The following AP3B1 variants were observed in gnomAD, a reference collection of about 807,000 sequenced individuals.
AP3B1 encodes adaptor related protein complex 3 subunit beta 1.
A neutral mutation model predicts 132.5 loss-of-function variants in AP3B1; 61 were observed. The ratio of observed to expected loss-of-function variants is 0.46; its 90% CI spans 0.37 to 0.57. The LOEUF is 0.57. Among genes scored for constraint, AP3B1 ranks in the 20% least tolerant of loss-of-function variants. The pLI is 0.00. For missense variants in AP3B1, 1,120 were observed against 1,289.4 expected, an observed-to-expected ratio of 0.87 and a Z score of 2.01; for synonymous variants, 388 against 438.3, an observed-to-expected ratio of 0.89 and a Z score of 1.43.
intron 7 of AP3B1, among the ~76,000 whole-genome samples, chr5:78,214,099 T>A (rs1199822119): frequency 4.6e-5 from 7 of 152,160 alleles, no homozygotes; most frequent in Non-Finnish European, 7.3e-5. Flanking sequence ...GAGCACAGCA[T>A]TTCGAATAAT....
intron 22 of AP3B1, among the ~76,000 whole-genome samples, chr5:78,066,167 A>C (rs1258108919): frequency 1.3e-5 from 2 of 151,062 alleles, no homozygotes; most frequent in Non-Finnish European, 3.0e-5. Context: ...TCCAAAGGTC[A>C]GCAGCCTCAA....
At chr5:78,191,619 A>G (rs1744838420) in intron 7 of AP3B1, among the ~76,000 whole-genome samples, 2 of 152,128 alleles carry the variant, frequency 1.3e-5, no homozygotes, top group Admixed American at 6.6e-5. Context: ...TGAACTCAAG[A>G]TTGTTGAATC....
chr5:78,116,635 G>T, intron 17 of AP3B1, among the ~76,000 whole-genome samples: 1 of 151,476 alleles, frequency 6.6e-6, no homozygotes, highest in East Asian at 1.9e-4. Flanking sequence ...AGAAAGAAAA[G>T]AAAATATTTA....
At chr5:78,020,609 G>A (rs576731963) in intron 25 of AP3B1, 83 bp downstream of exon 25, 7 of 1,154,456 alleles carry the variant, frequency 6.1e-6, no homozygotes, top group Non-Finnish European at 7.7e-6. Flanking sequence ...ATGTACCTAT[G>A]AAAATTTATT....
At chr5:78,238,341 T>C (rs895894975) in intron 3 of AP3B1, among the ~76,000 whole-genome samples, 1 of 152,196 alleles carries the variant, frequency 6.6e-6, no homozygotes, top group Admixed American at 6.5e-5. Flanking sequence ...TTCTACATTA[T>C]GGTGAGTTAT....
At chr5:78,168,566 C>T (rs2112385237) in intron 11 of AP3B1, among the ~76,000 whole-genome samples, 1 of 152,240 alleles carries the variant, frequency 6.6e-6, no homozygotes, top group Middle Eastern at 3.4e-3. Flanking sequence ...GAAAAAGCTA[C>T]ACGTATAGTA....
intron 22 of AP3B1, 121 bp downstream of exon 22, chr5:78,089,272 C>T: frequency 5.2e-6 from 4 of 762,112 alleles, no homozygotes; most frequent in Non-Finnish European, 8.9e-6. Flanking sequence ...CTAAATTGGG[C>T]TTGTTCTTAG....
chr5:78,058,499 CA>C (rs112904066), intron 22 of AP3B1, among the ~76,000 whole-genome samples: 283 of 140,466 alleles, frequency 2.0e-3, no homozygotes, highest in African/African-American at 6.5e-3. Context: ...GACTCCATCT[CA>C]AAAAAAAAAA....
chr5:78,073,798 AG>A (rs1240684513), intron 22 of AP3B1, among the ~76,000 whole-genome samples: 1 of 152,182 alleles, frequency 6.6e-6, no homozygotes, highest in African/African-American at 2.4e-5. Context: ...GTGAACTCTC[AG>A]CTCTGAAACA....
At chr5:78,060,908 A>C (rs1426944985) in intron 22 of AP3B1, among the ~76,000 whole-genome samples, 1 of 152,188 alleles carries the variant, frequency 6.6e-6, no homozygotes, top group Non-Finnish European at 1.5e-5. Flanking sequence ...GATTCTACCC[A>C]AATTTTTCTT....
At chr5:78,150,844 T>A (rs1298623137) in intron 14 of AP3B1, among the ~76,000 whole-genome samples, 2 of 152,164 alleles carry the variant, frequency 1.3e-5, no homozygotes, top group African/African-American at 4.8e-5. Context: ...GCACTTAGAT[T>A]CCCCAAATGT....
chr5:78,111,126 C>T (rs1266017522), intron 19 of AP3B1, among the ~76,000 whole-genome samples: 2 of 152,044 alleles, frequency 1.3e-5, no homozygotes, highest in African/African-American at 2.4e-5. Context: ...ACATTTTCTA[C>T]CCAAGAAAAT....
At chr5:78,127,584 G>C (rs949578421) in intron 17 of AP3B1, among the ~76,000 whole-genome samples, 1 of 151,988 alleles carries the variant, frequency 6.6e-6, no homozygotes, top group Non-Finnish European at 1.5e-5. Context: ...TTATGTTCAG[G>C]CTTCACTTAA....
chr5:78,148,305 A>T (rs1753501078), intron 14 of AP3B1, among the ~76,000 whole-genome samples: 1 of 152,194 alleles, frequency 6.6e-6, no homozygotes, highest in African/African-American at 2.4e-5. Context: ...AATTTTGCAC[A>T]AGAAGTCTGG....
intron 1 of AP3B1, among the ~76,000 whole-genome samples, chr5:78,280,622 T>C (rs972677277): frequency 1.3e-5 from 2 of 152,200 alleles, no homozygotes; most frequent in Admixed American, 1.3e-4. Context: ...ATAAGTTTTC[T>C]ACAACTGTGT....
At chr5:78,177,118 A>G (rs900374655) in intron 9 of AP3B1, among the ~76,000 whole-genome samples, 5 of 152,198 alleles carry the variant, frequency 3.3e-5, no homozygotes, top group East Asian at 3.8e-4. Context: ...AATATTTTCA[A>G]TATCTTTGGG....
rs35496909 is a variant in AP3B1, at chr5:78,216,154, T to C, written c.687A>G (p.Leu229=). Reference sequence around the variant, plus strand: ...CTTCAACATCCACTAGTAAGTTACATAGCTTGCGGTAATTTTTATGAATCA... The same window carrying C: ...CTTCAACATCCACTAGTAAGTTACACAGCTTGCGGTAATTTTTATGAATCA... ...IDLIHKNYRK[L]CNLLVDVEEW... is the part of the protein sequence containing the mutation. The change falls in exon 7 of 27, where the codon CTA becomes CTG. Residue 229 remains leucine, a synonymous_variant. Coordinates refer to ENST00000255194, the MANE Select transcript of AP3B1 (RefSeq NM_003664.5). 2.7e-3 allele frequency: 4,348 copies of C among 1,614,056 alleles called. 108 individuals carry two copies. The African/African-American group carries it at 0.05, about 19-fold the overall frequency.
intron 24 of AP3B1, among the ~76,000 whole-genome samples, chr5:78,033,635 T>C (rs1304154605): frequency 6.6e-6 from 1 of 151,972 alleles, no homozygotes; most frequent in Non-Finnish European, 1.5e-5. Context: ...AATAGCCAAT[T>C]GGGCCTTATA....
chr5:78,024,785 ACTCCTGAC>A (rs1239950061), intron 24 of AP3B1, among the ~76,000 whole-genome samples: 2 of 149,392 alleles, frequency 1.3e-5, no homozygotes, highest in Admixed American at 1.3e-4. Context: ...CTAGTCTCGA[ACTCCTGAC>A]CTCAAGTTAT....
Sources: gnomAD v4.1 joint callset for allele counts (sites outside exome capture counted in the v4.1 genomes callset) on GRCh38, gnomAD v4.1.1 for gene constraint, MANE v1.5 for transcripts, NCBI Gene and HGNC (gene_info 2026-07-23, HGNC 2026-07-21) for gene names.